Variants in CYBRD1 observed in about 807,000 individuals in gnomAD.
The protein encoded by CYBRD1 is cytochrome b reductase 1.
CYBRD1 carries 14 observed loss-of-function variants against 21.9 expected under a neutral mutation model. That is an observed-to-expected ratio of 0.64 (90% CI 0.42 to 1.00). CYBRD1 has a LOEUF of 1.00. Ranked by LOEUF, CYBRD1 falls within the 50% of genes least tolerant of loss-of-function variation. CYBRD1 has a pLI of 0.00. For synonymous variants in CYBRD1, 146 were observed against 136.5 expected (o/e 1.07, Z -0.48); for missense variants, 328 against 352.5 (o/e 0.93, Z 0.56).
intron 1 of CYBRD1, among the ~76,000 whole-genome samples, chr2:171,531,481 T>G (rs928490284): frequency 1.3e-5 from 2 of 152,106 alleles, no homozygotes; most frequent in African/African-American, 2.4e-5. Flanking sequence ...AGGGTCTTGC[T>G]CTGTCAGCCA....
chr2:171,526,498 C>T (rs1040327698), intron 1 of CYBRD1, among the ~76,000 whole-genome samples: 2 of 149,768 alleles, frequency 1.3e-5, no homozygotes, highest in Non-Finnish European at 3.0e-5. Flanking sequence ...TGTATATATT[C>T]TAAATTAAAG....
intron 1 of CYBRD1, chr2:171,540,975 G>C (rs1307934264): frequency 6.4e-6 from 1 of 155,272 alleles, no homozygotes; most frequent in Non-Finnish European, 1.4e-5. Context: ...ATGTTGGCCA[G>C]GCTGGTCTTG....
chr2:171,525,087 A>C (rs1416417511), intron 1 of CYBRD1, among the ~76,000 whole-genome samples: 1 of 152,064 alleles, frequency 6.6e-6, no homozygotes, highest in Non-Finnish European at 1.5e-5. Flanking sequence ...ACAGATGCCT[A>C]CCACCACGCC....
chr2:171,554,441 C>A, intron 3 of CYBRD1, 83 bp from the exon 4 acceptor site: 1 of 1,394,780 alleles, frequency 7.2e-7, no homozygotes, highest in Non-Finnish European at 1.0e-6. Flanking sequence ...TACTAGTGTG[C>A]ATTTTGAGCA....
At chr2:171,524,648 C>T (rs947202435) in intron 1 of CYBRD1, among the ~76,000 whole-genome samples, 14 of 152,166 alleles carry the variant, frequency 9.2e-5, no homozygotes, top group Non-Finnish European at 1.9e-4. Context: ...ATGTAACTTA[C>T]CCATGAAAGT....
At position 171,555,355 on chromosome 2, in the gene CYBRD1, C is replaced by G. The variant is rs544028681; in HGVS notation, c.*528C>G. On this transcript the variant is annotated 3_prime_UTR_variant, in exon 4 of 4. Coordinates refer to ENST00000321348, the MANE Select transcript of CYBRD1 (RefSeq NM_024843.4). ...TTAGGAAAGCACCTGGTTCCTTTCT[C>G]CCCATGCCTGCCTTCTGCTCCCTCC... 1 of 160,536 alleles carries G rather than the reference C, an allele frequency of 6.2e-6. No individual in the cohort carries two copies. The highest frequency in any genetic ancestry group is 1.4e-5 in the Non-Finnish European group (1 of 73,530). 9.9% of individuals were successfully genotyped at this position (160,536 alleles called of 1,614,324 possible).
Position 171,554,567 on chromosome 2 carries a change from G to T in CYBRD1, c.601G>T (p.Val201Leu). Residue 201 changes from valine to leucine, a missense_variant, in exon 4 of 4, where the codon GTA (valine) becomes TTA (leucine). Coordinates refer to ENST00000321348, the MANE Select transcript of CYBRD1 (RefSeq NM_024843.4). ...TACATTCCCGCCAGAAGGTGTTTTC[G>T]TAAATACGCTTGGCCTTCTGATCCT... Reference protein sequence around the residue: ...YSTFPPEGVFVNTLGLLILVF... With the variant: ...YSTFPPEGVFLNTLGLLILVF... 1 of 1,613,894 alleles carries T rather than the reference G, an allele frequency of 6.2e-7. No homozygotes were observed. Among genetic ancestry groups the T allele is most frequent in the Admixed American group, 1.7e-5 (1 of 59,984 alleles).
chr2:171,522,381 A>G, upstream of CYBRD1: 3 of 1,492,460 alleles, frequency 2.0e-6, no homozygotes, highest in Non-Finnish European at 2.7e-6. The surrounding 1 kb of genome is among the most constrained non-coding windows in gnomAD (Gnocchi z 4.3). Context: ...CCCCACCCCC[A>G]AGAGGCCCCA....
chr2:171,529,782 A>G (rs1054510881), intron 1 of CYBRD1, among the ~76,000 whole-genome samples: 2 of 152,238 alleles, frequency 1.3e-5, no homozygotes, highest in East Asian at 1.9e-4. Flanking sequence ...CCCTTGCCCC[A>G]TAGGAACCAC....
chr2:171,525,624 A>G (rs371974678), intron 1 of CYBRD1, among the ~76,000 whole-genome samples: 4 of 152,234 alleles, frequency 2.6e-5, no homozygotes, highest in African/African-American at 9.7e-5. Context: ...CAAATCTCTA[A>G]CAAAGAACAC....
In CYBRD1 at chr2:171,535,952, A is replaced by T. The variant is rs1378794689; in HGVS notation, c.194-5633A>T. ...GCTGTGCCTGGCCCCCACACTTTCT[A>T]AAAGTAAACTTTTTACTGAAGAACA... On this transcript the variant is annotated intron_variant, in intron 1 of 3. Coordinates refer to ENST00000321348, the MANE Select transcript of CYBRD1 (RefSeq NM_024843.4). 3.9e-5 allele frequency among the ~76,000 whole-genome samples: 6 copies of T among 151,916 alleles called. No individual in the cohort carries two copies. In the East Asian group the frequency reaches 1.2e-3, roughly 29 times the overall value.
chr2:171,529,940 G>A (rs909206189), intron 1 of CYBRD1, among the ~76,000 whole-genome samples: 4 of 152,210 alleles, frequency 2.6e-5, no homozygotes, highest in African/African-American at 9.7e-5. Flanking sequence ...GATCTTTGCA[G>A]ATGTTAACTA....
Position 171,532,800 on chromosome 2 carries a change from C to CA in CYBRD1, c.194-8776dup, listed in dbSNP as rs200616253. On this transcript the variant is annotated intron_variant, in intron 1 of 3. Transcript: ENST00000321348. ...TGGGCGACATAGTGAGACTCTGTCT[C>CA]AAAAAAAAAGAAGACTAAAAAATAA... is the stretch of plus-strand genomic sequence containing the variant. Among the ~76,000 whole-genome samples, 1,054 of 145,394 alleles carry CA rather than the reference C, an allele frequency of 7.2e-3. 11 individuals are homozygous for CA. Among genetic ancestry groups the CA allele is most frequent in the African/African-American group, 0.024 (927 of 39,266 alleles).
chr2:171,550,617 C>A (rs1022695087), intron 2 of CYBRD1, among the ~76,000 whole-genome samples: 1 of 152,082 alleles, frequency 6.6e-6, no homozygotes, highest in Non-Finnish European at 1.5e-5. Flanking sequence ...CAAAGTTAAG[C>A]ATTCTGTAAT....
intron 1 of CYBRD1, chr2:171,523,008 C>A: frequency 2.0e-6 from 1 of 498,476 alleles, no homozygotes; most frequent in Admixed American, 3.6e-5. Flanking sequence ...GGCGGCGGAG[C>A]GGGGCCGGCC....
rs143058627 is a variant in CYBRD1, at chr2:171,538,034, T to C, written c.194-3551T>C. On this transcript the variant is annotated intron_variant, in intron 1 of 3. Coordinates refer to ENST00000321348, the MANE Select transcript of CYBRD1 (RefSeq NM_024843.4). ...GCTCACACCTGTAATCCCAGCACTT[T>C]GGGAGGCCAGGGTGGGCGGATCACC... Among the ~76,000 whole-genome samples, 1,365 of 152,320 alleles carry C rather than the reference T, an allele frequency of 9.0e-3. 20 individuals carry two copies. Among genetic ancestry groups the C allele is most frequent in the African/African-American group, 0.028 (1,145 of 41,562 alleles).
In CYBRD1 at chr2:171,545,382, TTG is replaced by T. The variant is rs202127394; in HGVS notation, c.402+3591_402+3592del. On this transcript the variant is annotated intron_variant, in intron 2 of 3. Transcript: ENST00000321348. ...CTCTGCTGAGATGAATATACCTTTT[TTG>T]TTTTTTTTTTTTGAGATGGAGTCTT... Among the ~76,000 whole-genome samples, 271 of 73,756 alleles carry T rather than the reference TTG, an allele frequency of 3.7e-3. 27 individuals carry two copies. Among genetic ancestry groups the T allele is most frequent in the African/African-American group, 0.011 (132 of 11,890 alleles). 48.4% of individuals were successfully genotyped at this position (73,756 alleles called of 152,430 possible). A position where few individuals can be genotyped will look rare whatever the true frequency, so the allele number is the denominator to read the frequency against.
intron 1 of CYBRD1, among the ~76,000 whole-genome samples, chr2:171,530,466 T>A (rs889589405): frequency 5.3e-5 from 8 of 152,222 alleles, no homozygotes; most frequent in Admixed American, 1.3e-4. Context: ...AAACCACTTA[T>A]CTGTTTACTA....
At position 171,522,590 on chromosome 2, in the gene CYBRD1, G is replaced by C. The variant is rs565938208; in HGVS notation, c.45G>C (p.Ser15=). 126 of 1,611,846 alleles carry C rather than the reference G, an allele frequency of 7.8e-5. 2 individuals carry two copies. The highest frequency in any genetic ancestry group is 4.7e-4 in the South Asian group (42 of 90,260). ...GYWRFLALLG[S]ALLVGFLSVI... ...GGCGCTTCCTGGCGCTGCTGGGGTC[G>C]GCACTGCTCGTCGGCTTCCTGTCGG... is the stretch of plus-strand genomic sequence containing the variant. The change falls in exon 1 of 4, where the codon TCG becomes TCC. Residue 15 remains serine (S), a synonymous_variant. Coordinates refer to ENST00000321348, the MANE Select transcript of CYBRD1 (RefSeq NM_024843.4). The surrounding 1 kb of genome is among the most constrained non-coding windows in gnomAD (Gnocchi z 4.3).
Sources: gnomAD v4.1 joint callset for allele counts (sites outside exome capture counted in the v4.1 genomes callset) on GRCh38, gnomAD v4.1.1 for gene constraint, Gnocchi (gnomAD v3.1) non-coding constraint, MANE v1.5 for transcripts, NCBI Gene and HGNC (gene_info 2026-07-23, HGNC 2026-07-21) for gene names.